The following SLC30A5 variants were observed in gnomAD, a reference collection of about 807,000 sequenced individuals.
SLC30A5 encodes proton-coupled zinc antiporter SLC30A5.
In SLC30A5, 33 loss-of-function variants were observed where a neutral mutation model predicts 79.6. The ratio of observed to expected loss-of-function variants is 0.41; its 90% confidence interval spans 0.31 to 0.55. The LOEUF (loss-of-function observed/expected upper bound fraction) is 0.55, where lower values mean the gene tolerates loss of function less well. Among genes scored for constraint, SLC30A5 ranks in the 20% least tolerant of loss-of-function variants. The probability of loss-of-function intolerance (pLI) is 0.20; values close to 1 mark genes in which losing one functional copy is unlikely to be tolerated. For synonymous variants in SLC30A5, 299 were observed against 319.7 expected, an observed-to-expected ratio of 0.94 and a Z score of 0.69; for missense variants, 788 against 928.1, an observed-to-expected ratio of 0.85 and a Z score of 1.96.
chr5:69,111,683 C>T (rs975810043), intron 5 of SLC30A5, among the ~76,000 whole-genome samples: 16 of 152,148 alleles, frequency 1.1e-4, no homozygotes, highest in Admixed American at 7.2e-4. Context: ...AAGTTATGTT[C>T]TCTGTATTTG....
chr5:69,103,114 A>G lies in SLC30A5; in HGVS notation c.259A>G (p.Ile87Val). The change falls in exon 3 of 16, where the codon ATT becomes GTT. Residue 87 changes from isoleucine to valine, a missense_variant. Ile to Val is a conservative substitution (Grantham distance 29). This residue lies in a region of SLC30A5 where 626 missense variants were observed against 755.5 expected (regional missense o/e 0.83). Coordinates refer to ENST00000396591, the MANE Select transcript of SLC30A5 (RefSeq NM_022902.5). ...FQKPFSSGKTITKHQWIKIFK... is the reference protein window; with the variant it reads ...FQKPFSSGKTVTKHQWIKIFK... ...AAAGCCATTTTCTTCTGGGAAAACT[A>G]TTACCAAACACCAGGTAAGATTTTT... The G allele has an allele frequency of 6.3e-7, 1 of 1,588,800 alleles. No homozygotes were observed. Among genetic ancestry groups the G allele is most frequent in the South Asian group, 1.1e-5 (1 of 88,736 alleles).
chr5:69,128,248 C>CTTTT, intron 15 of SLC30A5, 116 bp downstream of exon 15: 1 of 463,236 alleles, frequency 2.2e-6, no homozygotes, highest in South Asian at 2.8e-5. Flanking sequence ...AATCTTCCAA[C>CTTTT]TCTTTTTTTT....
intron 6 of SLC30A5, among the ~76,000 whole-genome samples, chr5:69,114,062 GT>G (rs1317104604): frequency 2.0e-5 from 3 of 152,272 alleles, no homozygotes; most frequent in Admixed American, 6.5e-5. Flanking sequence ...GACAGGAGTG[GT>G]CCAGGGAGAT....
chr5:69,123,527 C>A, intron 14 of SLC30A5, 102 bp downstream of exon 14: 9 of 849,542 alleles, frequency 1.1e-5, no homozygotes, highest in South Asian at 3.2e-5. Context: ...TAAAACAAAA[C>A]GAGGCCAAAA....
chr5:69,111,595 C>A (rs183556759), intron 5 of SLC30A5, among the ~76,000 whole-genome samples: 1 of 152,098 alleles, frequency 6.6e-6, no homozygotes, highest in South Asian at 2.1e-4. Context: ...TGAGCCACCA[C>A]GCCTGGCCTT....
intron 1 of SLC30A5, among the ~76,000 whole-genome samples, chr5:69,099,419 C>T (rs1252319836): frequency 2.0e-5 from 3 of 152,158 alleles, no homozygotes; most frequent in Non-Finnish European, 2.9e-5. Context: ...TGGACATTCT[C>T]TTATAAAGCC....
At chr5:69,108,473 A>G (rs1335221139) in intron 5 of SLC30A5, 37 bp downstream of exon 5, 1 of 1,353,990 alleles carries the variant, frequency 7.4e-7, no homozygotes. Flanking sequence ...GGAAATGGAA[A>G]GTATGTATGT....
Position 69,116,748 on chromosome 5 carries a change from C to T in SLC30A5, c.1281+146C>T, listed in dbSNP as rs141820609. The T allele has an allele frequency of 1.1e-4, 61 of 553,890 alleles. No individual in the cohort carries two copies. In the East Asian group the frequency reaches 1.2e-3, roughly 11 times the overall value. The allele number at this position is 553,890 out of a possible 1,614,324, so 34.3% of individuals were successfully genotyped here. A position where few individuals can be genotyped will look rare whatever the true frequency, so the allele number is the denominator to read the frequency against. On this transcript the variant is annotated intron_variant, in intron 10 of 15. Transcript: ENST00000396591. This position sits in a 1 kb window ranked among gnomAD's most constrained non-coding sequence, Gnocchi z 4.0. ...TTTTCTAAGTATAATAGCAAGATTA[C>T]GAGATCATATTCAGATTCCTTAGGC...
chr5:69,116,048 T>A lies in SLC30A5; in HGVS notation c.906T>A (p.Ala302=), dbSNP rs747056996. 6.2e-7 allele frequency: 1 copy of A among 1,614,186 alleles called. No homozygotes were observed. Among genetic ancestry groups the A allele is most frequent in the Admixed American group, 1.7e-5 (1 of 60,014 alleles). ...CSVKMEVSKC[A]RYGSFPIFIS... Reference sequence around the variant, plus strand: ...TCAAAATGGAAGTTTCCAAATGTGCTCGTTATGGATCCTTTCCCATTTTTA... The same window carrying A: ...TCAAAATGGAAGTTTCCAAATGTGCACGTTATGGATCCTTTCCCATTTTTA... Residue 302 remains alanine (A), a synonymous_variant, in exon 9 of 16, where the codon GCT becomes GCA. Transcript: ENST00000396591. This position sits in a 1 kb window ranked among gnomAD's most constrained non-coding sequence, Gnocchi z 4.0.
intron 14 of SLC30A5, 108 bp downstream of exon 14, chr5:69,123,533 C>CA: frequency 1.3e-6 from 1 of 795,642 alleles, no homozygotes; most frequent in South Asian, 1.7e-5. Flanking sequence ...AAAACGAGGC[C>CA]AAAAAAGAAA....
At position 69,127,892 on chromosome 5, in the gene SLC30A5, T is replaced by C. The variant is rs1746745616; in HGVS notation, c.1999-112T>C. 8.0e-6 allele frequency: 7 copies of C among 869,648 alleles called. No homozygotes were observed. The South Asian group carries it at 9.7e-5, about 12-fold the overall frequency. 53.9% of individuals were successfully genotyped at this position (869,648 alleles called of 1,614,324 possible). On this transcript the variant is annotated intron_variant, in intron 14 of 15. Coordinates refer to ENST00000396591, the MANE Select transcript of SLC30A5 (RefSeq NM_022902.5). ...TTGTTTTGTATTTTAAAGAGCTTAA[T>C]AGTGATCCTGGACCAAGGAATCTGT...
intron 1 of SLC30A5, among the ~76,000 whole-genome samples, chr5:69,094,698 C>G (rs1238149696): frequency 6.6e-6 from 1 of 152,056 alleles, no homozygotes; most frequent in Non-Finnish European, 1.5e-5. Flanking sequence ...TCTGACGTTT[C>G]CCTGCATAAA....
At chr5:69,128,179 C>A in intron 15 of SLC30A5, 47 bp downstream of exon 15, 1 of 1,446,884 alleles carries the variant, frequency 6.9e-7, no homozygotes, top group Non-Finnish European at 9.5e-7. Context: ...CATTCATACC[C>A]AAAATTGTAC....
intron 12 of SLC30A5, among the ~76,000 whole-genome samples, chr5:69,119,941 A>G (rs140188873): frequency 0.016 from 2,346 of 147,798 alleles, 49 homozygotes; most frequent in African/African-American, 0.055. Context: ...AATCACTTCA[A>G]CCACGAGGCA....
At position 69,094,423 on chromosome 5, in the gene SLC30A5, C is replaced by T. The variant is rs1745658095; in HGVS notation, c.83+85C>T. 9.0e-6 allele frequency: 11 copies of T among 1,216,790 alleles called. No homozygotes were observed. In the South Asian group the frequency reaches 4.6e-4, roughly 51 times the overall value. The allele number at this position is 1,216,790 out of a possible 1,614,324, so 75.4% of individuals were successfully genotyped here. A position where few individuals can be genotyped will look rare whatever the true frequency, so the allele number is the denominator to read the frequency against. On this transcript the variant is annotated intron_variant, in intron 1 of 15. Transcript: ENST00000396591. Reference sequence around the variant, plus strand: ...GCCTCCCTCCGGTCTCCGCTGACAGCCCGGGACGTCCCGGGGTCGGCGCGC... The same window carrying T: ...GCCTCCCTCCGGTCTCCGCTGACAGTCCGGGACGTCCCGGGGTCGGCGCGC...
Position 69,113,170 on chromosome 5 carries a change from G to A in SLC30A5, c.478G>A (p.Val160Met). The A allele has an allele frequency of 1.2e-6, 2 of 1,613,184 alleles. No individual in the cohort carries two copies. The highest frequency in any genetic ancestry group is 1.7e-6 in the Non-Finnish European group (2 of 1,179,716). ...GGGAGCTGCTTTTTTCATTATTGCT[G>A]TGATCTGTTTATTGCTTTTTGACAA... ...TRGAAFFIIA[V>M]ICLLLFDNDD... The change falls in exon 6 of 16, where the codon GTG (valine) becomes ATG (methionine). Residue 160 changes from valine to methionine, a missense_variant. Transcript: ENST00000396591.
intron 5 of SLC30A5, among the ~76,000 whole-genome samples, chr5:69,111,277 C>A (rs1422082452): frequency 6.6e-6 from 1 of 151,202 alleles, no homozygotes; most frequent in Non-Finnish European, 1.5e-5. Flanking sequence ...CAGGTGTGAA[C>A]CACCACGCCC....
At chr5:69,095,408 G>T (rs1007324711) in intron 1 of SLC30A5, among the ~76,000 whole-genome samples, 6 of 151,966 alleles carry the variant, frequency 3.9e-5, no homozygotes, top group Non-Finnish European at 5.9e-5. Context: ...CTCCATGTTG[G>T]TGTGGCTGGT....
In SLC30A5 at chr5:69,116,899, A is replaced by G. The variant is rs1746386964; in HGVS notation, c.1281+297A>G. Among the ~76,000 whole-genome samples the G allele has an allele frequency of 6.6e-6, 1 of 152,208 alleles. No individual in the cohort carries two copies. Among genetic ancestry groups the G allele is most frequent in the Admixed American group, 6.5e-5 (1 of 15,278 alleles). On this transcript the variant is annotated intron_variant, in intron 10 of 15. Transcript: ENST00000396591. This position sits in a 1 kb window ranked among gnomAD's most constrained non-coding sequence, Gnocchi z 4.0. ...ATAGTAGCATTTAAAGAGTTCTAAT[A>G]ACTTACAGGATCTCACTATTAGCAA...
Sources: allele counts gnomAD v4.1 joint callset (sites outside exome capture counted in the v4.1 genomes callset), GRCh38; gene constraint gnomAD v4.1.1; regional missense constraint gnomAD v4.1.1; non-coding constraint Gnocchi (gnomAD v3.1); transcripts MANE v1.5; gene names NCBI Gene and HGNC (gene_info 2026-07-23, HGNC 2026-07-21).